Variants in RBFOX1 observed in about 807,000 individuals in gnomAD.
RBFOX1 encodes the protein RNA binding fox-1 homolog 1.
In RBFOX1, 8 loss-of-function variants were observed where a neutral mutation model predicts 57.7. That is an observed-to-expected ratio of 0.14 (90% CI 0.08 to 0.25). RBFOX1 has a LOEUF of 0.25. Among genes scored for constraint, RBFOX1 ranks in the 10% least tolerant of loss-of-function variants. The pLI is 1.00. For missense variants in RBFOX1, 611 were observed against 548.5 expected, an observed-to-expected ratio of 1.11 and a Z score of -1.14; for synonymous variants, 326 against 222.4, an observed-to-expected ratio of 1.47 and a Z score of -4.15.
chr16:7,644,726 T>C (rs529570329), intron 11 of RBFOX1, among the ~76,000 whole-genome samples: 1 of 152,172 alleles, frequency 6.6e-6, no homozygotes, highest in Admixed American at 6.5e-5. Context: ...TATAGAGAGA[T>C]GTATAAGGAA....
chr16:6,420,919 G>T (rs2093753681), intron 2 of RBFOX1, among the ~76,000 whole-genome samples: 1 of 152,190 alleles, frequency 6.6e-6, no homozygotes, highest in South Asian at 2.1e-4. Context: ...GCATCAAAGG[G>T]CACTTACTGT....
chr16:5,470,146 C>T (rs1044130445), intron 2 of RBFOX1, among the ~76,000 whole-genome samples: 1 of 152,224 alleles, frequency 6.6e-6, no homozygotes, highest in Non-Finnish European at 1.5e-5. Context: ...GAGTGAGGAA[C>T]AGAGCCGAGG....
chr16:7,388,501 A>T lies in RBFOX1; in HGVS notation c.28-129646A>T, dbSNP rs554851177. Among the ~76,000 whole-genome samples the T allele has an allele frequency of 2.0e-5, 3 of 152,230 alleles. No homozygotes were observed. The East Asian group carries it at 5.8e-4, about 29-fold the overall frequency. On this transcript the variant is annotated intron_variant, in intron 4 of 15. Transcript: ENST00000550418. Reference sequence around the variant, plus strand: ...TTTTTATCATCTCTCTGCCCGGGATAACTTGTTTCATCCCCTTCCCTGAGC... The same window carrying T: ...TTTTTATCATCTCTCTGCCCGGGATTACTTGTTTCATCCCCTTCCCTGAGC...
chr16:5,433,522 G>C (rs1597047719), intron 1 of RBFOX1, among the ~76,000 whole-genome samples: 1 of 152,170 alleles, frequency 6.6e-6, no homozygotes, highest in East Asian at 1.9e-4. Flanking sequence ...TTGACCTCCA[G>C]TCTCTTGCAA....
chr16:5,596,826 C>G (rs1447290600), intron 2 of RBFOX1, among the ~76,000 whole-genome samples: 1 of 152,196 alleles, frequency 6.6e-6, no homozygotes, highest in African/African-American at 2.4e-5. Flanking sequence ...CCCTTCTCTC[C>G]CCATTCAGGC....
chr16:7,313,892 G>A (rs986281504), intron 4 of RBFOX1, among the ~76,000 whole-genome samples: 1 of 152,166 alleles, frequency 6.6e-6, no homozygotes, highest in African/African-American at 2.4e-5. Flanking sequence ...GGCTGGTTCT[G>A]TATGATTTAC....
At chr16:7,675,668 T>C (rs1010921015) in intron 13 of RBFOX1, among the ~76,000 whole-genome samples, 3 of 152,196 alleles carry the variant, frequency 2.0e-5, no homozygotes, top group African/African-American at 7.2e-5. Context: ...TCGTATTTAG[T>C]TTCATGAAGC....
At chr16:6,300,202 T>TG (rs1185624531) in intron 1 of RBFOX1, among the ~76,000 whole-genome samples, 1 of 152,006 alleles carries the variant, frequency 6.6e-6, no homozygotes, top group African/African-American at 2.4e-5. Context: ...GGGGAGGAAA[T>TG]GGGGAGATGA....
At chr16:6,266,453 C>A (rs1031671816) in intron 1 of RBFOX1, among the ~76,000 whole-genome samples, 1 of 152,198 alleles carries the variant, frequency 6.6e-6, no homozygotes. Context: ...ATTGCTCACG[C>A]CTGTAATCCC....
intron 4 of RBFOX1, among the ~76,000 whole-genome samples, chr16:5,927,231 G>C (rs1250707874): frequency 2.0e-5 from 3 of 152,200 alleles, no homozygotes; most frequent in Admixed American, 6.5e-5. Flanking sequence ...CCAAGTGTGT[G>C]ACTTGCTCTG....
Position 7,491,804 on chromosome 16 carries a change from T to G in RBFOX1, c.28-26343T>G, listed in dbSNP as rs564511222. 1.1e-4 allele frequency among the ~76,000 whole-genome samples: 17 copies of G among 152,220 alleles called. No individual in the cohort carries two copies. The South Asian group carries it at 3.3e-3, about 30-fold the overall frequency. ...TGCCACCATGCCCAGCTAATTAATA[T>G]ATATATATTTAAAAACATGTCCTTG... On this transcript the variant is annotated intron_variant, in intron 4 of 15. Coordinates refer to ENST00000550418, the MANE Select transcript of RBFOX1 (RefSeq NM_018723.4).
intron 4 of RBFOX1, among the ~76,000 whole-genome samples, chr16:7,486,864 C>G (rs935269826): frequency 2.6e-5 from 4 of 152,282 alleles, no homozygotes; most frequent in East Asian, 1.9e-4. Flanking sequence ...CCTTGCCACT[C>G]TGCAGTTAGT....
At chr16:7,088,176 G>A (rs1374515753) in intron 4 of RBFOX1, among the ~76,000 whole-genome samples, 2 of 152,156 alleles carry the variant, frequency 1.3e-5, no homozygotes, top group East Asian at 3.9e-4. Flanking sequence ...TCTGTTTTTT[G>A]AAAACATTGA....
At chr16:7,357,642 A>C (rs1476088745) in intron 4 of RBFOX1, among the ~76,000 whole-genome samples, 1 of 151,768 alleles carries the variant, frequency 6.6e-6, no homozygotes, top group Admixed American at 6.6e-5. Flanking sequence ...TTTCTGAGCC[A>C]TTTTCAGTCT....
At chr16:5,388,946 C>G (rs1480399090) in intron 1 of RBFOX1, among the ~76,000 whole-genome samples, 2 of 151,070 alleles carry the variant, frequency 1.3e-5, no homozygotes, top group African/African-American at 4.8e-5. Context: ...AATCCCAGCA[C>G]TTTGGGAGGC....
At chr16:5,472,457 G>A (rs371549543) in intron 2 of RBFOX1, among the ~76,000 whole-genome samples, 36 of 152,292 alleles carry the variant, frequency 2.4e-4, no homozygotes, top group Admixed American at 2.3e-3. Flanking sequence ...CAGGTCTCCC[G>A]GCTCAGCACA....
chr16:5,738,622 A>T (rs1394673182), intron 3 of RBFOX1, among the ~76,000 whole-genome samples: 3 of 126,696 alleles, frequency 2.4e-5, no homozygotes, highest in African/African-American at 8.5e-5. Context: ...CGACAGAGCA[A>T]GGCTCTGTCT....
At chr16:5,879,004 C>G (rs1260378185) in intron 4 of RBFOX1, among the ~76,000 whole-genome samples, 2 of 152,116 alleles carry the variant, frequency 1.3e-5, no homozygotes, top group East Asian at 3.9e-4. Flanking sequence ...TACTTTTGCC[C>G]TGGTACTGTC....
At chr16:7,309,799 C>G (rs979627728) in intron 4 of RBFOX1, among the ~76,000 whole-genome samples, 9 of 152,158 alleles carry the variant, frequency 5.9e-5, no homozygotes, top group African/African-American at 2.2e-4. Context: ...GACTCTGTGC[C>G]TAAGGGGGTT....
Sources: gnomAD v4.1 joint callset for allele counts (sites outside exome capture counted in the v4.1 genomes callset) on GRCh38, gnomAD v4.1.1 for gene constraint, MANE v1.5 for transcripts, NCBI Gene and HGNC (gene_info 2026-07-23, HGNC 2026-07-21) for gene names.